AXDND1: variants seen among roughly 807,000 people sequenced by gnomAD.
AXDND1 encodes the protein axonemal dynein light chain domain containing 1, also known as axonemal dynein light chain domain-containing protein 1.
Under a neutral mutation model 137.5 loss-of-function variants are expected in AXDND1, and 110 were observed. The observed-to-expected ratio is 0.80, with a 90% CI of 0.69 to 0.94. AXDND1 has a LOEUF of 0.94. Among genes scored for constraint, AXDND1 ranks in the 40% least tolerant of loss-of-function variants. The pLI is 0.00. For missense variants in AXDND1, 1,191 were observed against 1,169.8 expected, an observed-to-expected ratio of 1.02 and a Z score of -0.26; for synonymous variants, 414 against 399.7, an observed-to-expected ratio of 1.04 and a Z score of -0.43.
chr1:179,407,097 A>T (rs4359001), intron 11 of AXDND1, among the ~76,000 whole-genome samples: 1 of 152,038 alleles, frequency 6.6e-6, no homozygotes, highest in Admixed American at 6.5e-5. Flanking sequence ...ATATAGGACT[A>T]CCTTCAGGCT....
At chr1:179,377,938 C>T (rs997065923) in intron 4 of AXDND1, among the ~76,000 whole-genome samples, 5 of 151,968 alleles carry the variant, frequency 3.3e-5, no homozygotes, top group South Asian at 2.1e-4. Flanking sequence ...TTTGGAAGGC[C>T]GAGGCAGGTC....
At chr1:179,462,078 T>C (rs889309259) in intron 16 of AXDND1, among the ~76,000 whole-genome samples, 6 of 152,264 alleles carry the variant, frequency 3.9e-5, no homozygotes, top group African/African-American at 9.6e-5. Flanking sequence ...ATTTCCAACA[T>C]TATGTTGAAT....
At chr1:179,411,981 A>C (rs1653973006) in intron 12 of AXDND1, among the ~76,000 whole-genome samples, 1 of 152,062 alleles carries the variant, frequency 6.6e-6, no homozygotes, top group African/African-American at 2.4e-5. Flanking sequence ...CCTCTTGAGT[A>C]GCTGGGATTA....
intron 9 of AXDND1, among the ~76,000 whole-genome samples, chr1:179,391,072 T>C (rs6693458): frequency 0.87 from 131,723 of 151,224 alleles, 57,450 homozygotes; most frequent in East Asian, 0.9. Flanking sequence ...CCCCAAAGTG[T>C]TGGGATTACA....
intron 11 of AXDND1, among the ~76,000 whole-genome samples, chr1:179,410,656 A>C (rs1396566773): frequency 2.0e-5 from 3 of 152,212 alleles, no homozygotes; most frequent in Non-Finnish European, 2.9e-5. Context: ...GTTAAGGGAC[A>C]ATTTTCTTTA....
At chr1:179,508,453 G>C (rs1668732797) in intron 20 of AXDND1, among the ~76,000 whole-genome samples, 1 of 152,164 alleles carries the variant, frequency 6.6e-6, no homozygotes, top group African/African-American at 2.4e-5. Flanking sequence ...TTTGGCTAGA[G>C]TGACCAGATC....
At chr1:179,503,607 G>T (rs1381953024) in intron 20 of AXDND1, among the ~76,000 whole-genome samples, 1 of 151,700 alleles carries the variant, frequency 6.6e-6, no homozygotes, top group Non-Finnish European at 1.5e-5. Flanking sequence ...ACAATGTGCA[G>T]GTTTGTTACA....
chr1:179,485,665 TC>T (rs1193938294), intron 18 of AXDND1, among the ~76,000 whole-genome samples: 3 of 152,056 alleles, frequency 2.0e-5, no homozygotes, highest in African/African-American at 7.2e-5. Flanking sequence ...ACCACACTGT[TC>T]CCCAGCAATG....
chr1:179,499,015 G>A (rs1667734904), intron 20 of AXDND1, among the ~76,000 whole-genome samples: 2 of 152,130 alleles, frequency 1.3e-5, no homozygotes, highest in African/African-American at 4.8e-5. Flanking sequence ...GTGGAAAGCC[G>A]TCTGGAGATT....
intron 16 of AXDND1, chr1:179,456,061 G>A (rs1362750362): frequency 6.6e-6 from 3 of 454,134 alleles, no homozygotes; most frequent in East Asian, 6.2e-5. Context: ...AACAGTCCTC[G>A]AGTTTTTTGC....
At chr1:179,491,388 G>A in intron 18 of AXDND1, 150 bp from the exon 19 acceptor site, 1 of 594,924 alleles carries the variant, frequency 1.7e-6, no homozygotes, top group East Asian at 2.9e-5. Context: ...AGAAAATAGG[G>A]TCATGCTAGC....
Position 179,372,611 on chromosome 1 carries a change from A to AT in AXDND1, c.374+2537dup, listed in dbSNP as rs546028830. Among the ~76,000 whole-genome samples the AT allele has an allele frequency of 3.0e-3, 463 of 152,322 alleles. 3 individuals are homozygous for AT. The highest frequency in any genetic ancestry group is 0.01 in the African/African-American group (429 of 41,576). On this transcript the variant is annotated intron_variant, in intron 4 of 25. Transcript: ENST00000367618. ...TTTTTGTTTTTTTAAATAAAAATAG[A>AT]TTTTCCAGAAGAGTGGAAGCGGGTG...
chr1:179,440,403 C>G (rs143686167), intron 15 of AXDND1, among the ~76,000 whole-genome samples: 13 of 152,342 alleles, frequency 8.5e-5, no homozygotes, highest in African/African-American at 2.4e-4. Context: ...TCTATAGTCA[C>G]ATGAACATAG....
chr1:179,529,275 A>G (rs1023216554), intron 23 of AXDND1, among the ~76,000 whole-genome samples: 1 of 152,128 alleles, frequency 6.6e-6, no homozygotes, highest in Non-Finnish European at 1.5e-5. Context: ...ATTTTCTTGG[A>G]TTGGGGGATC....
chr1:179,441,962 A>G (rs1558183780), intron 15 of AXDND1, among the ~76,000 whole-genome samples: 1 of 152,230 alleles, frequency 6.6e-6, no homozygotes, highest in Non-Finnish European at 1.5e-5. Context: ...GATTCTAGCA[A>G]TCTTAAGGTG....
chr1:179,493,577 A>C (rs2125587125), intron 20 of AXDND1, among the ~76,000 whole-genome samples: 1 of 152,354 alleles, frequency 6.6e-6, no homozygotes, highest in Admixed American at 6.5e-5. Flanking sequence ...GAAACGGTCA[A>C]ACTGCCTTCC....
intron 20 of AXDND1, among the ~76,000 whole-genome samples, chr1:179,497,976 G>C (rs1010321305): frequency 6.6e-6 from 1 of 152,034 alleles, no homozygotes; most frequent in South Asian, 2.1e-4. Context: ...TCTACAAGGA[G>C]AACTACAAAA....
rs1440137976 is a variant in AXDND1, at chr1:179,467,913, C to T, written c.1799-530C>T. ...AAAAGAGGGTATTTTGCCATAATCTCATAGTGAATCAGTCCACTGGACCCA... is the reference window on the plus strand; with the variant it reads ...AAAAGAGGGTATTTTGCCATAATCTTATAGTGAATCAGTCCACTGGACCCA... On this transcript the variant is annotated intron_variant, in intron 16 of 25. Transcript: ENST00000367618. Among the ~76,000 whole-genome samples, 3 of 152,110 alleles carry T rather than the reference C, an allele frequency of 2.0e-5. No individual in the cohort carries two copies. In the East Asian group the frequency reaches 5.8e-4, roughly 29 times the overall value.
chr1:179,489,279 ATTTAT>A (rs1666570895), intron 18 of AXDND1, among the ~76,000 whole-genome samples: 1 of 152,162 alleles, frequency 6.6e-6, no homozygotes, highest in African/African-American at 2.4e-5. Flanking sequence ...TTTGTTTTTA[ATTTAT>A]TTTAATTTTA....
Sources: allele counts gnomAD v4.1 joint callset (sites outside exome capture counted in the v4.1 genomes callset), GRCh38; gene constraint gnomAD v4.1.1; transcripts MANE v1.5; gene names NCBI Gene and HGNC (gene_info 2026-07-23, HGNC 2026-07-21).